Variants in FGF14 observed in about 807,000 individuals in gnomAD.
The protein encoded by FGF14 is fibroblast growth factor homologous factor 4.
FGF14 carries 5 observed loss-of-function variants against 25.5 expected under a neutral mutation model. That is an observed-to-expected ratio of 0.20 (90% CI 0.10 to 0.41). FGF14 has a LOEUF of 0.41. Ranked by LOEUF, FGF14 falls within the 10% of genes least tolerant of loss-of-function variation. The probability of loss-of-function intolerance (pLI) is 1.00; values close to 1 mark genes in which losing one functional copy is unlikely to be tolerated. For synonymous variants in FGF14, 138 were observed against 118.3 expected (o/e 1.17, Z -1.08); for missense variants, 222 against 320.1 (o/e 0.69, Z 2.34).
chr13:102,247,519 T>G (rs564498860), intron 1 of FGF14, among the ~76,000 whole-genome samples: 1 of 152,052 alleles, frequency 6.6e-6, no homozygotes, highest in South Asian at 2.1e-4. Context: ...TAGAAAAATG[T>G]AAATCAAAAC....
At chr13:102,077,498 CT>C (rs2043418587) in intron 1 of FGF14, among the ~76,000 whole-genome samples, 1 of 152,090 alleles carries the variant, frequency 6.6e-6, no homozygotes, top group African/African-American at 2.4e-5. Context: ...ATAGTTATCT[CT>C]CAAAAGGAGA....
intron 1 of FGF14, among the ~76,000 whole-genome samples, chr13:101,978,933 G>A (rs1205401314): frequency 6.6e-6 from 1 of 152,176 alleles, no homozygotes; most frequent in African/African-American, 2.4e-5. Context: ...AAATGGCCAT[G>A]GTGTGATGGA....
chr13:102,127,214 A>G (rs895219926), intron 1 of FGF14, among the ~76,000 whole-genome samples: 3 of 152,214 alleles, frequency 2.0e-5, no homozygotes, highest in Non-Finnish European at 4.4e-5. Context: ...AAGAGAGAAA[A>G]AACTGGAGAC....
At chr13:102,352,639 C>T (rs1419062742) in intron 1 of FGF14, among the ~76,000 whole-genome samples, 4 of 151,920 alleles carry the variant, frequency 2.6e-5, no homozygotes, top group African/African-American at 9.7e-5. Flanking sequence ...GATGAAACCC[C>T]GTCTGTACTA....
intron 1 of FGF14, among the ~76,000 whole-genome samples, chr13:102,399,651 C>A (rs1166788449): frequency 2.0e-5 from 3 of 152,114 alleles, no homozygotes; most frequent in Non-Finnish European, 4.4e-5. Context: ...ATTAGACATG[C>A]GGGTGGAAAG....
intron 1 of FGF14, among the ~76,000 whole-genome samples, chr13:102,086,002 T>C (rs913227462): frequency 6.6e-6 from 1 of 152,232 alleles, no homozygotes; most frequent in Admixed American, 6.5e-5. Flanking sequence ...CTATTTAGCA[T>C]GTGTTTACTA....
chr13:101,833,142 T>C (rs767541638), intron 3 of FGF14, among the ~76,000 whole-genome samples: 3 of 151,890 alleles, frequency 2.0e-5, no homozygotes, highest in Non-Finnish European at 4.4e-5. Flanking sequence ...GGAGGTAGGG[T>C]CTCTCCATGC....
At chr13:101,979,968 G>A (rs2038150140) in intron 1 of FGF14, among the ~76,000 whole-genome samples, 1 of 152,166 alleles carries the variant, frequency 6.6e-6, no homozygotes, top group African/African-American at 2.4e-5. Flanking sequence ...ATCGTTTGCT[G>A]CAAGGAAAAC....
chr13:101,911,826 A>G (rs945681554), intron 1 of FGF14, among the ~76,000 whole-genome samples: 10 of 152,228 alleles, frequency 6.6e-5, no homozygotes, highest in Middle Eastern at 3.4e-3. Context: ...TAAGACTCCA[A>G]TGGGTATGGC....
chr13:101,931,466 A>C (rs2034744338), intron 1 of FGF14, among the ~76,000 whole-genome samples: 1 of 152,186 alleles, frequency 6.6e-6, no homozygotes, highest in Admixed American at 6.5e-5. Context: ...ATGAGGCTGC[A>C]ATTATCTCAA....
intron 3 of FGF14, among the ~76,000 whole-genome samples, chr13:101,783,915 C>G (rs953271055): frequency 1.3e-5 from 2 of 152,202 alleles, no homozygotes; most frequent in African/African-American, 4.8e-5. Context: ...GTTATCCCAG[C>G]ACCATTGACT....
intron 3 of FGF14, among the ~76,000 whole-genome samples, chr13:101,861,307 C>A (rs1298517372): frequency 6.6e-6 from 1 of 152,008 alleles, no homozygotes; most frequent in Non-Finnish European, 1.5e-5. Flanking sequence ...GCAAACTAAG[C>A]AGGTCCCTAA....
In FGF14 at chr13:101,942,575, T is replaced by C. The variant is rs116573201; in HGVS notation, c.209-67279A>G. On this transcript the variant is annotated intron_variant, in intron 1 of 4. Coordinates refer to the FGF14 transcript ENST00000376131. ...AAATTATATCTCTCTGAGAAAACAC[T>C]GACAATCAGTGAAAGAAACAAACTG... Among the ~76,000 whole-genome samples, 1,086 of 152,302 alleles carry C rather than the reference T, an allele frequency of 7.1e-3. 12 individuals are homozygous for C. Among genetic ancestry groups the C allele is most frequent in the African/African-American group, 0.024 (989 of 41,564 alleles).
chr13:102,313,943 A>G (rs1441522205), intron 1 of FGF14, among the ~76,000 whole-genome samples: 1 of 152,218 alleles, frequency 6.6e-6, no homozygotes, highest in Admixed American at 6.5e-5. Context: ...TCCATCACTC[A>G]GGCAGAAAAT....
In FGF14 at chr13:102,009,861, TAG is replaced by T. The variant is rs538114487; in HGVS notation, c.209-134567_209-134566del. Among the ~76,000 whole-genome samples, 449 of 152,244 alleles carry T rather than the reference TAG, an allele frequency of 2.9e-3. 4 individuals are homozygous for T. The highest frequency in any genetic ancestry group is 0.01 in the African/African-American group (420 of 41,558). On this transcript the variant is annotated intron_variant, in intron 1 of 4. Coordinates refer to the FGF14 transcript ENST00000376131. ...TTCCCCAACACATGTTTTAGAAATA[TAG>T]AGGTTATTAGTGAAGCCTTCCAAAG...
At position 101,868,735 on chromosome 13, in the gene FGF14, A is replaced by C; in HGVS notation, c.398T>G (p.Leu133Arg). Residue 133 changes from leucine (L) to arginine (R), a missense_variant, in exon 3 of 5, where the codon CTC (leucine) becomes CGC (arginine). Around this residue, in one of 5 missense-constraint regions of FGF14, gnomAD observed 15 missense variants for 55.7 expected, o/e 0.27. Transcript: ENST00000376143. ...LYIAMNGEGY[L>R]YPSELFTPEC... ...TGGCGTCTTACTTACTGATGGGTAG[A>C]GGTAACCTTCTCCATTCATGGCTAT... is the stretch of plus-strand genomic sequence containing the variant. The C allele has an allele frequency of 6.2e-7, 1 of 1,605,012 alleles. No individual in the cohort carries two copies.
At chr13:102,170,958 A>C (rs2048221068) in intron 1 of FGF14, among the ~76,000 whole-genome samples, 1 of 152,216 alleles carries the variant, frequency 6.6e-6, no homozygotes, top group Non-Finnish European at 1.5e-5. Flanking sequence ...AATGTAAAGC[A>C]TTGCTTTAAA....
At chr13:101,758,348 G>C (rs1453963582) in intron 3 of FGF14, among the ~76,000 whole-genome samples, 1 of 152,152 alleles carries the variant, frequency 6.6e-6, no homozygotes, top group Non-Finnish European at 1.5e-5. Flanking sequence ...GACAGAGTAG[G>C]AGCGAGTTTG....
chr13:101,854,086 G>T (rs1251963507), intron 3 of FGF14, among the ~76,000 whole-genome samples: 3 of 151,952 alleles, frequency 2.0e-5, no homozygotes, highest in African/African-American at 7.3e-5. Context: ...CCTAACGCAG[G>T]CAAACACAAT....
Sources: allele counts gnomAD v4.1 joint callset (sites outside exome capture counted in the v4.1 genomes callset), GRCh38; gene constraint gnomAD v4.1.1; regional missense constraint gnomAD v4.1.1; transcripts MANE v1.5; gene names NCBI Gene and HGNC (gene_info 2026-07-23, HGNC 2026-07-21).